The following ZC2HC1B variants were observed in gnomAD, a reference collection of about 807,000 sequenced individuals.
The protein encoded by ZC2HC1B is zinc finger C2HC domain-containing protein 1B.
ZC2HC1B carries 36 observed loss-of-function variants against 31.0 expected under a neutral mutation model. The ratio of observed to expected loss-of-function variants is 1.16; its 90% CI spans 0.89 to 1.54. The LOEUF (loss-of-function observed/expected upper bound fraction) is 1.54, where lower values mean the gene tolerates loss of function less well. ZC2HC1B is among the 40% of genes most tolerant of loss of function. The probability of loss-of-function intolerance (pLI) is 0.00; values close to 1 mark genes in which losing one functional copy is unlikely to be tolerated. For missense variants in ZC2HC1B, 260 were observed against 268.6 expected (o/e 0.97, Z 0.22); for synonymous variants, 73 against 88.0 (o/e 0.83, Z 0.95).
chr6:143,889,418 A>G (rs1777570693), intron 4 of ZC2HC1B, among the ~76,000 whole-genome samples: 1 of 152,112 alleles, frequency 6.6e-6, no homozygotes, highest in African/African-American at 2.4e-5. Flanking sequence ...AAACTGAATA[A>G]TAAAGCAAGA....
chr6:143,926,828 CTTTTTTTT>C (rs774028763), intron 6 of ZC2HC1B, among the ~76,000 whole-genome samples: 3 of 78,834 alleles, frequency 3.8e-5, no homozygotes, highest in Non-Finnish European at 7.6e-5. Flanking sequence ...ATTGTATCTT[CTTTTTTTT>C]TTTTTTTTTT....
chr6:143,918,832 T>C lies in ZC2HC1B; in HGVS notation c.598+15680T>C, dbSNP rs1265392808. ...TCTTTCCTCTGTTTGTTCAAATGTA[T>C]TCTTGAATCCTACTAGTAAAGTTTT... On this transcript the variant is annotated intron_variant, in intron 6 of 7. Transcript: ENST00000237275. This position sits in a 1 kb window ranked among gnomAD's most constrained non-coding sequence, Gnocchi z 4.1. 6.6e-6 allele frequency among the ~76,000 whole-genome samples: 1 copy of C among 152,234 alleles called. No individual in the cohort carries two copies. Among genetic ancestry groups the C allele is most frequent in the Non-Finnish European group, 1.5e-5 (1 of 68,040 alleles).
chr6:143,889,540 A>T (rs952795822), intron 4 of ZC2HC1B, among the ~76,000 whole-genome samples: 9 of 152,124 alleles, frequency 5.9e-5, no homozygotes, highest in African/African-American at 2.2e-4. Flanking sequence ...GACTGTATTA[A>T]TATAGCACAA....
rs1429616066 is a variant in ZC2HC1B, at chr6:143,898,646, C to G, written c.444C>G (p.Val148=). The change falls in exon 5 of 8, where the codon GTC becomes GTG. Residue 148 remains valine (V), a synonymous_variant. Transcript: ENST00000237275. ...NFCKDQSSRR[V]FNPAQTAAKL... is the part of the protein sequence containing the mutation. ...GCAAGGATCAGTCTTCTCGCCGAGTCTTTAATCCAGCTCAGACAGCAGCCA... is the reference window on the plus strand; with the variant it reads ...GCAAGGATCAGTCTTCTCGCCGAGTGTTTAATCCAGCTCAGACAGCAGCCA... The G allele has an allele frequency of 6.4e-7, 1 of 1,552,044 alleles. No individual in the cohort carries two copies. The highest frequency in any genetic ancestry group is 8.7e-7 in the Non-Finnish European group (1 of 1,147,056).
chr6:143,925,199 A>G (rs1207258205), intron 6 of ZC2HC1B, among the ~76,000 whole-genome samples: 19 of 117,282 alleles, frequency 1.6e-4, no homozygotes, highest in Non-Finnish European at 3.1e-4. Context: ...TTTTTGAGAC[A>G]GAGTCTCACT....
In ZC2HC1B at chr6:143,883,174, G is replaced by T. The variant is rs2128493860; in HGVS notation, c.29-1130G>T. Among the ~76,000 whole-genome samples the T allele has an allele frequency of 6.6e-6, 1 of 152,174 alleles. No homozygotes were observed. Among genetic ancestry groups the T allele is most frequent in the South Asian group, 2.1e-4 (1 of 4,824 alleles). The stretch of plus-strand genomic sequence containing the variant: ...CTCACCTCAGCCTCCTGAGTAGCTG[G>T]GACCACAGGCGCGAGCCACCAAGCC... On this transcript the variant is annotated intron_variant, in intron 1 of 7. Transcript: ENST00000237275. The surrounding 1 kb of genome is among the most constrained non-coding windows in gnomAD (Gnocchi z 4.1).
In ZC2HC1B at chr6:143,884,891, A is replaced by G. The variant is rs565857808; in HGVS notation, c.90+526A>G. The stretch of plus-strand genomic sequence containing the variant: ...ATACATGGATGTAAGTCCTGTTCCA[A>G]GATCTAATTGTTGTACAGATTCAAG... On this transcript the variant is annotated intron_variant, in intron 2 of 7. Coordinates refer to ENST00000237275, the MANE Select transcript of ZC2HC1B (RefSeq NM_001013623.3). This position sits in a 1 kb window ranked among gnomAD's most constrained non-coding sequence, Gnocchi z 5.1. Among the ~76,000 whole-genome samples, 1 of 152,316 alleles carries G rather than the reference A, an allele frequency of 6.6e-6. No individual in the cohort carries two copies. The highest frequency in any genetic ancestry group is 2.4e-5 in the African/African-American group (1 of 41,572).
chr6:143,884,408 A>C lies in ZC2HC1B; in HGVS notation c.90+43A>C. 1 of 1,509,152 alleles carries C rather than the reference A, an allele frequency of 6.6e-7. No homozygotes were observed. The highest frequency in any genetic ancestry group is 9.0e-7 in the Non-Finnish European group (1 of 1,114,400). 93.5% of individuals were successfully genotyped at this position (1,509,152 alleles called of 1,614,324 possible). ...TTGTAGATGTGTTTCATTGGACTTA[A>C]ATGAACTGTCAAGTCAGTGAGGAGG... On this transcript the variant is annotated intron_variant, in intron 2 of 7. Coordinates refer to ENST00000237275, the MANE Select transcript of ZC2HC1B (RefSeq NM_001013623.3). The surrounding 1 kb of genome is among the most constrained non-coding windows in gnomAD (Gnocchi z 5.1).
At chr6:143,898,261 A>G (rs1354389121) in intron 4 of ZC2HC1B, among the ~76,000 whole-genome samples, 1 of 152,062 alleles carries the variant, frequency 6.6e-6, no homozygotes, top group Non-Finnish European at 1.5e-5. Context: ...AGCTGACTGC[A>G]GCCTTGACCT....
Position 143,895,182 on chromosome 6 carries a change from G to A in ZC2HC1B, c.350-3370G>A, listed in dbSNP as rs1435467103. Among the ~76,000 whole-genome samples, 1 of 152,110 alleles carries A rather than the reference G, an allele frequency of 6.6e-6. No individual in the cohort carries two copies. Among genetic ancestry groups the A allele is most frequent in the Non-Finnish European group, 1.5e-5 (1 of 68,024 alleles). ...TTTTTGTTGTTGTTGTTGTTTTTGA[G>A]ACAGAGTTTTGCTCTTGTTGCCCAG... On this transcript the variant is annotated intron_variant, in intron 4 of 7. Coordinates refer to ENST00000237275, the MANE Select transcript of ZC2HC1B (RefSeq NM_001013623.3). The surrounding 1 kb of genome is among the most constrained non-coding windows in gnomAD (Gnocchi z 4.8).
chr6:143,871,230 A>G lies in ZC2HC1B; in HGVS notation c.28+6663A>G, dbSNP rs1178539997. The stretch of plus-strand genomic sequence containing the variant: ...CCAGTGTGTTTACTACTTCTTGCTC[A>G]CTGGATCCAGTCAGCATAATGTCAT... On this transcript the variant is annotated intron_variant, in intron 1 of 7. Transcript: ENST00000237275. This position sits in a 1 kb window ranked among gnomAD's most constrained non-coding sequence, Gnocchi z 4.1. Among the ~76,000 whole-genome samples the G allele has an allele frequency of 6.6e-6, 1 of 152,186 alleles. No individual in the cohort carries two copies. Among genetic ancestry groups the G allele is most frequent in the Non-Finnish European group, 1.5e-5 (1 of 68,028 alleles).
chr6:143,904,928 G>A (rs1582965700), intron 6 of ZC2HC1B, among the ~76,000 whole-genome samples: 2 of 152,080 alleles, frequency 1.3e-5, no homozygotes, highest in South Asian at 4.1e-4. Flanking sequence ...TATTTCATTG[G>A]TTTATATGTC....
At chr6:143,882,975 G>A (rs1161525786) in intron 1 of ZC2HC1B, among the ~76,000 whole-genome samples, 2 of 152,062 alleles carry the variant, frequency 1.3e-5, no homozygotes, top group African/African-American at 2.4e-5. Flanking sequence ...TCAGGCTGTT[G>A]ACTCTTTGAT....
At chr6:143,897,359 C>A (rs1777680069) in intron 4 of ZC2HC1B, among the ~76,000 whole-genome samples, 1 of 150,550 alleles carries the variant, frequency 6.6e-6, no homozygotes, top group African/African-American at 2.5e-5. Context: ...AACACCAATC[C>A]CTGCTTGATT....
chr6:143,914,745 C>T (rs1156383622), intron 6 of ZC2HC1B, among the ~76,000 whole-genome samples: 8 of 151,998 alleles, frequency 5.3e-5, no homozygotes, highest in African/African-American at 1.2e-4. Flanking sequence ...TCAGTAGGTT[C>T]CTCTTTGTGT....
rs1777782717 is a variant in ZC2HC1B, at chr6:143,905,494, A to G, written c.598+2342A>G. Among the ~76,000 whole-genome samples the G allele has an allele frequency of 6.6e-6, 1 of 152,214 alleles. No individual in the cohort carries two copies. The highest frequency in any genetic ancestry group is 1.5e-5 in the Non-Finnish European group (1 of 68,036). On this transcript the variant is annotated intron_variant, in intron 6 of 7. Coordinates refer to ENST00000237275, the MANE Select transcript of ZC2HC1B (RefSeq NM_001013623.3). This position sits in a 1 kb window ranked among gnomAD's most constrained non-coding sequence, Gnocchi z 4.2. ...GATTTTCTGCTTATAAGATCATAGC[A>G]TCTGTGAACAGAGATAATTTTACTT...
chr6:143,888,476 TTTTGG>T (rs1431739971), intron 4 of ZC2HC1B, among the ~76,000 whole-genome samples: 1 of 152,020 alleles, frequency 6.6e-6, no homozygotes, highest in Non-Finnish European at 1.5e-5. Context: ...ATATAGAATG[TTTTGG>T]GTACTATTGT....
In ZC2HC1B at chr6:143,883,364, C is replaced by T. The variant is rs781442122; in HGVS notation, c.29-940C>T. Among the ~76,000 whole-genome samples the T allele has an allele frequency of 4.6e-5, 7 of 152,156 alleles. No individual in the cohort carries two copies. Among genetic ancestry groups the T allele is most frequent in the East Asian group, 1.9e-4 (1 of 5,190 alleles). ...CACCTGCAGCTTTTTCACTAAACTCCGCTCTTCTCCCACTATACTCGCAAT... is the reference window on the plus strand; with the variant it reads ...CACCTGCAGCTTTTTCACTAAACTCTGCTCTTCTCCCACTATACTCGCAAT... On this transcript the variant is annotated intron_variant, in intron 1 of 7. Transcript: ENST00000237275. The surrounding 1 kb of genome is among the most constrained non-coding windows in gnomAD (Gnocchi z 4.1).
intron 4 of ZC2HC1B, among the ~76,000 whole-genome samples, chr6:143,894,188 C>A (rs1777635158): frequency 6.6e-6 from 1 of 152,062 alleles, no homozygotes; most frequent in Non-Finnish European, 1.5e-5. Flanking sequence ...GGAATATTTA[C>A]AAAATGGTCT....
Sources: gnomAD v4.1 joint callset for allele counts (sites outside exome capture counted in the v4.1 genomes callset) on GRCh38, gnomAD v4.1.1 for gene constraint, Gnocchi (gnomAD v3.1) non-coding constraint, MANE v1.5 for transcripts, NCBI Gene and HGNC (gene_info 2026-07-23, HGNC 2026-07-21) for gene names.